The following ADAMTS12 variants were observed in gnomAD, a reference collection of about 807,000 sequenced individuals.
ADAMTS12 encodes the protein ADAM metallopeptidase with thrombospondin type 1 motif 12, also known as A disintegrin and metalloproteinase with thrombospondin motifs 12.
In ADAMTS12, 118 loss-of-function variants were observed where a neutral mutation model predicts 167.8. That is an observed-to-expected ratio of 0.70 (90% CI 0.61 to 0.82). The LOEUF (loss-of-function observed/expected upper bound fraction) is 0.82, where lower values mean the gene tolerates loss of function less well. Ranked by LOEUF, ADAMTS12 falls within the 40% of genes least tolerant of loss-of-function variation. ADAMTS12 has a pLI of 0.00. For synonymous variants in ADAMTS12, 704 were observed against 716.9 expected (o/e 0.98, Z 0.29); for missense variants, 1,916 against 1,998.8 (o/e 0.96, Z 0.79).
chr5:33,768,574 A>C (rs1745628964), intron 2 of ADAMTS12, among the ~76,000 whole-genome samples: 1 of 152,208 alleles, frequency 6.6e-6, no homozygotes, highest in East Asian at 1.9e-4. Context: ...ATGATTGTAC[A>C]GAATATATTC....
intron 3 of ADAMTS12, among the ~76,000 whole-genome samples, chr5:33,714,132 G>A (rs1198791230): frequency 1.3e-5 from 2 of 152,064 alleles, no homozygotes; most frequent in East Asian, 3.8e-4. Context: ...ACCATAAATA[G>A]GAGATAAAGT....
chr5:33,536,905 G>C (rs996541413), intron 22 of ADAMTS12, among the ~76,000 whole-genome samples: 1 of 152,154 alleles, frequency 6.6e-6, no homozygotes, highest in Non-Finnish European at 1.5e-5. Context: ...GGTCATGTTT[G>C]CTTTGATTAG....
intron 5 of ADAMTS12, among the ~76,000 whole-genome samples, chr5:33,668,442 A>G (rs1741549339): frequency 6.6e-6 from 1 of 152,138 alleles, no homozygotes; most frequent in Non-Finnish European, 1.5e-5. Flanking sequence ...ATTTTAACCT[A>G]CGGATCTGTT....
chr5:33,657,250 T>A (rs747867265), intron 7 of ADAMTS12, among the ~76,000 whole-genome samples: 11 of 152,142 alleles, frequency 7.2e-5, no homozygotes, highest in Non-Finnish European at 1.5e-4. Context: ...CCTGGAATAA[T>A]TCAGTCTCCA....
At chr5:33,818,308 T>A (rs59969290) in intron 2 of ADAMTS12, among the ~76,000 whole-genome samples, 1 of 151,998 alleles carries the variant, frequency 6.6e-6, no homozygotes, top group Admixed American at 6.6e-5. Flanking sequence ...TGTTTCATTC[T>A]CTGGGTATAC....
chr5:33,667,908 A>G (rs796260371), intron 5 of ADAMTS12, among the ~76,000 whole-genome samples: 34 of 152,296 alleles, frequency 2.2e-4, no homozygotes, highest in African/African-American at 8.2e-4. Flanking sequence ...AGCACCTTTG[A>G]AAGACTTTCC....
At chr5:33,811,498 G>A (rs565190302) in intron 2 of ADAMTS12, among the ~76,000 whole-genome samples, 2 of 152,282 alleles carry the variant, frequency 1.3e-5, no homozygotes, top group African/African-American at 4.8e-5. Context: ...AAGTGGTCAG[G>A]AAGAGGAAAT....
At chr5:33,537,669 C>A (rs1744484386) in intron 22 of ADAMTS12, among the ~76,000 whole-genome samples, 1 of 152,200 alleles carries the variant, frequency 6.6e-6, no homozygotes, top group African/African-American at 2.4e-5. Flanking sequence ...CTGCTTGTAT[C>A]CTTCTACACA....
intron 15 of ADAMTS12, 29 bp downstream of exon 15, chr5:33,615,799 G>C: frequency 6.2e-7 from 1 of 1,612,848 alleles, no homozygotes. Flanking sequence ...TAGCACACAT[G>C]TCAGCAGTTT....
chr5:33,844,995 C>G (rs1748891681), intron 2 of ADAMTS12, among the ~76,000 whole-genome samples: 1 of 152,158 alleles, frequency 6.6e-6, no homozygotes, highest in Non-Finnish European at 1.5e-5. Context: ...AGACCACAGT[C>G]GGCCACAGGT....
intron 2 of ADAMTS12, among the ~76,000 whole-genome samples, chr5:33,799,121 C>T (rs900454191): frequency 1.3e-5 from 2 of 152,102 alleles, no homozygotes; most frequent in African/African-American, 4.8e-5. Context: ...CAGTAAGTGC[C>T]GTGCACTTAA....
intron 7 of ADAMTS12, among the ~76,000 whole-genome samples, chr5:33,653,973 C>G (rs1198002360): frequency 6.6e-6 from 1 of 152,138 alleles, no homozygotes; most frequent in African/African-American, 2.4e-5. Context: ...TCACGGGTCT[C>G]TGAAGCTCTG....
chr5:33,527,583 T>C (rs1743884159), intron 23 of ADAMTS12, among the ~76,000 whole-genome samples: 1 of 152,200 alleles, frequency 6.6e-6, no homozygotes, highest in South Asian at 2.1e-4. Context: ...TTCACTCCCA[T>C]GTAATTGTTT....
chr5:33,582,899 T>C (rs1226458421), intron 18 of ADAMTS12, among the ~76,000 whole-genome samples: 1 of 152,256 alleles, frequency 6.6e-6, no homozygotes, highest in African/African-American at 2.4e-5. Context: ...GTACATGAGA[T>C]GTTTTGAAAC....
intron 2 of ADAMTS12, among the ~76,000 whole-genome samples, chr5:33,778,491 G>A (rs916673427): frequency 1.3e-5 from 2 of 149,486 alleles, no homozygotes; most frequent in Admixed American, 6.6e-5. Flanking sequence ...TAAAACTGAA[G>A]CCTTATCTCA....
At chr5:33,774,173 T>C (rs1200925731) in intron 2 of ADAMTS12, among the ~76,000 whole-genome samples, 1 of 152,130 alleles carries the variant, frequency 6.6e-6, no homozygotes, top group African/African-American at 2.4e-5. Flanking sequence ...ACAAAAAACA[T>C]TTATTAGGTG....
chr5:33,654,461 T>C (rs1166089710), intron 7 of ADAMTS12, among the ~76,000 whole-genome samples: 1 of 152,196 alleles, frequency 6.6e-6, no homozygotes, highest in African/African-American at 2.4e-5. Context: ...GTGGGGCCAC[T>C]GCTTCAATAC....
intron 22 of ADAMTS12, among the ~76,000 whole-genome samples, chr5:33,539,664 C>T (rs778084323): frequency 2.0e-5 from 3 of 152,130 alleles, no homozygotes; most frequent in Non-Finnish European, 4.4e-5. Context: ...ACACGAAAAC[C>T]GAAGTATCCA....
intron 2 of ADAMTS12, among the ~76,000 whole-genome samples, chr5:33,777,314 A>T (rs958583604): frequency 2.0e-5 from 3 of 152,162 alleles, no homozygotes; most frequent in African/African-American, 7.2e-5. Flanking sequence ...TGGCACATTT[A>T]AAAAAATCAT....
Sources: allele counts gnomAD v4.1 joint callset (sites outside exome capture counted in the v4.1 genomes callset), GRCh38; gene constraint gnomAD v4.1.1; transcripts MANE v1.5; gene names NCBI Gene and HGNC (gene_info 2026-07-23, HGNC 2026-07-21).